The following PLXNA4 variants were observed in gnomAD, a reference collection of about 807,000 sequenced individuals.
The protein encoded by PLXNA4 is plexin-A4.
A neutral mutation model predicts 191.8 loss-of-function variants in PLXNA4; 44 were observed. The ratio of observed to expected loss-of-function variants is 0.23; its 90% CI spans 0.18 to 0.29. The LOEUF is 0.29. Among genes scored for constraint, PLXNA4 ranks in the 10% least tolerant of loss-of-function variants. PLXNA4 has a pLI of 1.00. For synonymous variants in PLXNA4, 1,082 were observed against 1,009.5 expected, an observed-to-expected ratio of 1.07 and a Z score of -1.36; for missense variants, 1,800 against 2,488.8, an observed-to-expected ratio of 0.72 and a Z score of 5.89.
intron 3 of PLXNA4, among the ~76,000 whole-genome samples, chr7:132,470,559 A>G (rs1437776970): frequency 1.3e-5 from 2 of 152,214 alleles, no homozygotes; most frequent in Admixed American, 6.5e-5. Context: ...CGAATAGGTT[A>G]CCTAACATGG....
upstream of PLXNA4, chr7:132,576,617 C>T (rs1802251815): frequency 1.0e-6 from 1 of 985,680 alleles, no homozygotes; most frequent in African/African-American, 1.7e-5. This position sits in a 1 kb window ranked among gnomAD's most constrained non-coding sequence, Gnocchi z 5.8. Context: ...ACGCGGAGGG[C>T]GCCGAATCAG....
chr7:132,493,701 A>G (rs1365383365), intron 2 of PLXNA4, among the ~76,000 whole-genome samples: 1 of 147,346 alleles, frequency 6.8e-6, no homozygotes, highest in African/African-American at 2.5e-5. Context: ...ATGGATGGAT[A>G]GGTGGATGGA....
chr7:132,435,632 G>T (rs924620507), intron 3 of PLXNA4, among the ~76,000 whole-genome samples: 1 of 152,162 alleles, frequency 6.6e-6, no homozygotes, highest in Non-Finnish European at 1.5e-5. Flanking sequence ...CCGGGGGGTT[G>T]TCTGTGGATG....
At chr7:132,270,017 C>T (rs78594916) in intron 4 of PLXNA4, among the ~76,000 whole-genome samples, 1 of 152,142 alleles carries the variant, frequency 6.6e-6, no homozygotes, top group Non-Finnish European at 1.5e-5. Flanking sequence ...AGAATCCATT[C>T]GGTTCACCCT....
chr7:132,497,582 A>G (rs887186230), intron 2 of PLXNA4, among the ~76,000 whole-genome samples: 4 of 152,222 alleles, frequency 2.6e-5, no homozygotes, highest in Non-Finnish European at 5.9e-5. Flanking sequence ...CAAAGAAATC[A>G]AAAAGACCTG....
At chr7:132,258,093 CCTGGAAGGCCACCCTGGT>C (rs1799495292) in intron 4 of PLXNA4, among the ~76,000 whole-genome samples, 1 of 152,220 alleles carries the variant, frequency 6.6e-6, no homozygotes, top group African/African-American at 2.4e-5. Context: ...AGACTCCTGG[CCTGGAAGGCCACCCTGGT>C]CTGCCCTCAT....
chr7:132,260,980 G>T (rs1056734166), intron 4 of PLXNA4, among the ~76,000 whole-genome samples: 1 of 152,080 alleles, frequency 6.6e-6, no homozygotes, highest in East Asian at 1.9e-4. Context: ...GGAGGCAGGG[G>T]GTTTATAGGA....
intron 8 of PLXNA4, 115 bp downstream of exon 8, chr7:132,226,046 G>T: frequency 1.1e-6 from 1 of 918,338 alleles, no homozygotes. Flanking sequence ...GAGTGAAGGA[G>T]GCCTCCTCTG....
intron 3 of PLXNA4, among the ~76,000 whole-genome samples, chr7:132,361,271 G>T (rs1043746087): frequency 6.6e-6 from 1 of 152,152 alleles, no homozygotes; most frequent in Non-Finnish European, 1.5e-5. Flanking sequence ...CTCTTCAAAG[G>T]CCCCTGCAGG....
intron 3 of PLXNA4, among the ~76,000 whole-genome samples, chr7:132,301,120 G>A (rs886988061): frequency 7.2e-5 from 11 of 152,306 alleles, no homozygotes; most frequent in African/African-American, 1.2e-4. Context: ...CTCTGCCAGC[G>A]AGAAATATGT....
intron 4 of PLXNA4, among the ~76,000 whole-genome samples, chr7:132,263,476 T>C (rs1307034705): frequency 6.6e-6 from 1 of 152,220 alleles, no homozygotes; most frequent in Non-Finnish European, 1.5e-5. Flanking sequence ...CCTCAGCTTC[T>C]TTACGGTAAA....
chr7:132,613,458 G>C (rs1382562195), intron 2 of PLXNA4, among the ~76,000 whole-genome samples: 1 of 152,152 alleles, frequency 6.6e-6, no homozygotes, highest in Non-Finnish European at 1.5e-5. Flanking sequence ...TTTGGCTTCT[G>C]TGAAGGCAGG....
chr7:132,422,506 C>A (rs1359185878), intron 3 of PLXNA4, among the ~76,000 whole-genome samples: 1 of 152,208 alleles, frequency 6.6e-6, no homozygotes, highest in African/African-American at 2.4e-5. Flanking sequence ...AATGTGCCAC[C>A]CTTCCAAGCA....
chr7:132,275,289 C>T (rs1281498170), intron 4 of PLXNA4, among the ~76,000 whole-genome samples: 4 of 152,110 alleles, frequency 2.6e-5, no homozygotes, highest in Admixed American at 2.6e-4. Context: ...GTTCCATGTA[C>T]CCTATACCCA....
intron 17 of PLXNA4, 123 bp from the exon 18 acceptor site, chr7:132,181,743 T>G: frequency 6.8e-7 from 1 of 1,468,302 alleles, no homozygotes; most frequent in South Asian, 1.4e-5. Flanking sequence ...GGATTAGAGA[T>G]GAGTCAGGGC....
At chr7:132,430,916 T>G (rs1380614914) in intron 3 of PLXNA4, among the ~76,000 whole-genome samples, 2 of 152,154 alleles carry the variant, frequency 1.3e-5, no homozygotes. Context: ...CACCGCTGGG[T>G]GAAGCGGAAG....
Position 132,232,710 on chromosome 7 carries a change from T to A in PLXNA4, c.1605-4241A>T, listed in dbSNP as rs575338791. Among the ~76,000 whole-genome samples, 5 of 152,268 alleles carry A rather than the reference T, an allele frequency of 3.3e-5. No individual in the cohort carries two copies. The East Asian group carries it at 9.7e-4, about 29-fold the overall frequency. ...GCCTGAACTTTCACTGCTGGAGAAT[T>A]CCCAGCCAAGTGGAAAATTAGAAGG... On this transcript the variant is annotated intron_variant, in intron 5 of 31. Coordinates refer to ENST00000321063, the MANE Select transcript of PLXNA4 (RefSeq NM_020911.2).
At chr7:132,349,281 C>A (rs1390325754) in intron 3 of PLXNA4, among the ~76,000 whole-genome samples, 1 of 152,138 alleles carries the variant, frequency 6.6e-6, no homozygotes, top group Admixed American at 6.5e-5. Context: ...TCACTCCCTA[C>A]TGAAATAGAG....
chr7:132,612,061 T>C (rs749284203), intron 2 of PLXNA4, among the ~76,000 whole-genome samples: 25 of 121,910 alleles, frequency 2.1e-4, no homozygotes, highest in Admixed American at 4.6e-4. Flanking sequence ...CACCATCTTC[T>C]AGGGATCAGG....
Sources: allele counts gnomAD v4.1 joint callset (sites outside exome capture counted in the v4.1 genomes callset), GRCh38; gene constraint gnomAD v4.1.1; non-coding constraint Gnocchi (gnomAD v3.1); transcripts MANE v1.5; gene names NCBI Gene and HGNC (gene_info 2026-07-23, HGNC 2026-07-21).